Variants in ATAD2B observed in about 807,000 individuals in gnomAD.
ATAD2B encodes ATPase family AAA domain containing 2B, also known as ATPase family AAA domain-containing protein 2B.
In ATAD2B, 40 loss-of-function variants were observed where a neutral mutation model predicts 167.6. The ratio of observed to expected loss-of-function variants is 0.24; its 90% confidence interval spans 0.19 to 0.31. The LOEUF (loss-of-function observed/expected upper bound fraction) is 0.31, where lower values mean the gene tolerates loss of function less well. Among genes scored for constraint, ATAD2B ranks in the 10% least tolerant of loss-of-function variants. The pLI is 1.00. For missense variants in ATAD2B, 1,242 were observed against 1,757.2 expected (o/e 0.71, Z 5.24); for synonymous variants, 579 against 596.5 (o/e 0.97, Z 0.43).
chr2:23,739,939 T>C, the ATAD2B span, among the ~76,000 whole-genome samples: 35 of 152,142 alleles, frequency 2.3e-4, no homozygotes, highest in Admixed American at 2.3e-3. Flanking sequence ...GCAAATAAAC[T>C]AGAAAATCTA....
At chr2:23,921,066 T>C (rs1198676438) in intron 1 of ATAD2B, among the ~76,000 whole-genome samples, 2 of 150,920 alleles carry the variant, frequency 1.3e-5, no homozygotes, top group Non-Finnish European at 3.0e-5. Context: ...ATTAGCCAGG[T>C]GTGGTGGCAG....
At chr2:23,782,379 CA>C (rs1680194017) in intron 22 of ATAD2B, among the ~76,000 whole-genome samples, 1 of 152,136 alleles carries the variant, frequency 6.6e-6, no homozygotes, top group African/African-American at 2.4e-5. Context: ...AGAGCGATAA[CA>C]AAAGTTGGGA....
At chr2:23,859,240 C>T (rs868210963) in intron 12 of ATAD2B, among the ~76,000 whole-genome samples, 1 of 152,104 alleles carries the variant, frequency 6.6e-6, no homozygotes, top group East Asian at 1.9e-4. Context: ...TCCTATGCTG[C>T]CCATTACTTC....
At chr2:23,843,067 A>G (rs564156822) in intron 13 of ATAD2B, among the ~76,000 whole-genome samples, 4 of 152,372 alleles carry the variant, frequency 2.6e-5, no homozygotes, top group Non-Finnish European at 4.4e-5. Flanking sequence ...AGCTAACATA[A>G]CAGAATTTTA....
intron 1 of ATAD2B, among the ~76,000 whole-genome samples, chr2:23,903,633 G>C (rs958255959): frequency 6.6e-6 from 1 of 152,158 alleles, no homozygotes; most frequent in Admixed American, 6.5e-5. Context: ...ATGAATAGAT[G>C]CTGCTCTGGT....
chr2:23,775,813 A>G (rs866748466), intron 22 of ATAD2B, among the ~76,000 whole-genome samples: 6 of 152,126 alleles, frequency 3.9e-5, no homozygotes, highest in South Asian at 2.1e-4. Context: ...ACTCCCAACC[A>G]TATCTCCTGC....
the ATAD2B span, among the ~76,000 whole-genome samples, chr2:23,687,364 C>T: frequency 5.3e-5 from 8 of 152,364 alleles, no homozygotes; most frequent in African/African-American, 7.2e-5. Context: ...GTCCACCACT[C>T]CAGCCCCAGG....
intron 18 of ATAD2B, among the ~76,000 whole-genome samples, chr2:23,804,947 A>T (rs1364187429): frequency 6.6e-6 from 1 of 152,020 alleles, no homozygotes; most frequent in Admixed American, 6.6e-5. Context: ...GTTCCAGACC[A>T]GCCTGGCCAA....
chr2:23,860,025 T>C (rs79769521), intron 12 of ATAD2B, among the ~76,000 whole-genome samples: 3,899 of 151,322 alleles, frequency 0.026, 129 homozygotes, highest in African/African-American at 0.09. Context: ...GTGTAGGTCT[T>C]GAGGCCTCCA....
chr2:23,773,367 T>C (rs1376699260), intron 22 of ATAD2B, among the ~76,000 whole-genome samples: 1 of 151,980 alleles, frequency 6.6e-6, no homozygotes, highest in African/African-American at 2.4e-5. Flanking sequence ...TTAGACAGGC[T>C]TGGTGGCTCA....
At chr2:23,838,673 T>C (rs1411053324) in intron 13 of ATAD2B, among the ~76,000 whole-genome samples, 1 of 152,138 alleles carries the variant, frequency 6.6e-6, no homozygotes, top group African/African-American at 2.4e-5. Flanking sequence ...TGTAGAGGAA[T>C]CCAGGTTTTT....
intron 13 of ATAD2B, among the ~76,000 whole-genome samples, chr2:23,842,200 T>G (rs923638252): frequency 3.3e-5 from 5 of 152,214 alleles, no homozygotes; most frequent in Non-Finnish European, 7.3e-5. Flanking sequence ...ACTTCTCTTC[T>G]TGATTGCTTT....
At chr2:23,814,658 G>A (rs1686150537) in intron 17 of ATAD2B, among the ~76,000 whole-genome samples, 1 of 152,152 alleles carries the variant, frequency 6.6e-6, no homozygotes, top group South Asian at 2.1e-4. Flanking sequence ...AAGTACTGGG[G>A]ACAAGTTGTG....
At chr2:23,764,014 A>G (rs1677087783) in intron 23 of ATAD2B, among the ~76,000 whole-genome samples, 1 of 152,206 alleles carries the variant, frequency 6.6e-6, no homozygotes, top group South Asian at 2.1e-4. Context: ...CAGCTGACAG[A>G]CATCTGGGTT....
the ATAD2B span, among the ~76,000 whole-genome samples, chr2:23,698,353 G>A: frequency 6.6e-6 from 1 of 152,236 alleles, no homozygotes; most frequent in Non-Finnish European, 1.5e-5. Flanking sequence ...GTTGGAGGGT[G>A]CAGGGGAAGG....
chr2:23,902,295 A>G (rs1284478557), intron 1 of ATAD2B, among the ~76,000 whole-genome samples: 1 of 152,188 alleles, frequency 6.6e-6, no homozygotes, highest in Non-Finnish European at 1.5e-5. Flanking sequence ...ATTTGGCTCT[A>G]TGACAGAGAC....
chr2:23,817,262 C>T (rs1686586565), intron 17 of ATAD2B, among the ~76,000 whole-genome samples: 1 of 152,170 alleles, frequency 6.6e-6, no homozygotes, highest in African/African-American at 2.4e-5. Flanking sequence ...CTGCCACCTG[C>T]TAGCAACAGG....
chr2:23,682,039 ATCT>A, the ATAD2B span, among the ~76,000 whole-genome samples: 1 of 151,292 alleles, frequency 6.6e-6, no homozygotes, highest in Admixed American at 6.6e-5. The surrounding 1 kb of genome is among the most constrained non-coding windows in gnomAD (Gnocchi z 4.1). Context: ...CCCACAACTG[ATCT>A]TCTTGTTCCC....
intron 14 of ATAD2B, chr2:23,832,168 G>C (rs779025421): frequency 8.7e-6 from 4 of 460,284 alleles, no homozygotes; most frequent in Non-Finnish European, 1.8e-5. Flanking sequence ...TTCTTCACTT[G>C]GCTACCAGAA....
Sources: gnomAD v4.1 joint callset for allele counts (sites outside exome capture counted in the v4.1 genomes callset) on GRCh38, gnomAD v4.1.1 for gene constraint, Gnocchi (gnomAD v3.1) non-coding constraint, MANE v1.5 for transcripts, NCBI Gene and HGNC (gene_info 2026-07-23, HGNC 2026-07-21) for gene names.